LRIG2: variants seen among roughly 807,000 people sequenced by gnomAD.
LRIG2 encodes the protein leucine-rich repeats and immunoglobulin-like domains protein 2.
In LRIG2, 93 loss-of-function variants were observed where a neutral mutation model predicts 107.8. That is an observed-to-expected ratio of 0.86 (90% confidence interval 0.73 to 1.03). LRIG2 has a LOEUF of 1.03. Ranked by LOEUF, LRIG2 falls within the 50% of genes least tolerant of loss-of-function variation. The probability of loss-of-function intolerance (pLI) is 0.00; values close to 1 mark genes in which losing one functional copy is unlikely to be tolerated. For missense variants in LRIG2, 1,226 were observed against 1,296.0 expected (o/e 0.95, Z 0.83); for synonymous variants, 471 against 470.6 (o/e 1.00, Z -0.01).
chr1:113,076,686 A>G (rs1488902821), intron 1 of LRIG2, among the ~76,000 whole-genome samples: 1 of 152,230 alleles, frequency 6.6e-6, no homozygotes, highest in Non-Finnish European at 1.5e-5. Context: ...AATACATGTA[A>G]TGCTTTAAAT....
intron 3 of LRIG2, 66 bp downstream of exon 3, chr1:113,093,346 A>T (rs371148656): frequency 1.3e-6 from 2 of 1,556,082 alleles, no homozygotes; most frequent in East Asian, 2.2e-5. Context: ...TTTTTAAAGC[A>T]CATATATTGT....
chr1:113,098,871 A>G, intron 9 of LRIG2, 86 bp downstream of exon 9: 4 of 818,496 alleles, frequency 4.9e-6, no homozygotes, highest in Non-Finnish European at 8.1e-6. Context: ...TTTATTTCAT[A>G]TGGCTACAAA....
intron 6 of LRIG2, among the ~76,000 whole-genome samples, chr1:113,095,242 A>T (rs1313145292): frequency 6.6e-6 from 1 of 152,054 alleles, no homozygotes; most frequent in Non-Finnish European, 1.5e-5. Flanking sequence ...AAGTGCTGTG[A>T]TTACAGGCAT....
rs1655540257 is a variant in LRIG2 at position 113,127,722 on chromosome 1, G to T, written c.*3621G>T. ...TGGGATTACAGGCATGCACCACCAT[G>T]CCCGGCTAATTTTATTTGTATTTTT... On this transcript the variant is annotated 3_prime_UTR_variant, in exon 18 of 18. Coordinates refer to ENST00000361127, the MANE Select transcript of LRIG2 (RefSeq NM_014813.3). 1 of 150,820 alleles carries T rather than the reference G, an allele frequency of 6.6e-6. No individual in the cohort carries two copies. 9.3% of individuals were successfully genotyped at this position (150,820 alleles called of 1,614,324 possible). A position where few individuals can be genotyped will look rare whatever the true frequency, so the allele number is the denominator to read the frequency against.
At chr1:113,116,188 C>T in intron 15 of LRIG2, 99 bp from the exon 16 acceptor site, 2 of 973,652 alleles carry the variant, frequency 2.1e-6, no homozygotes, top group East Asian at 2.6e-5. Context: ...TACAGTTTTT[C>T]TTGCTAATAG....
intron 1 of LRIG2, among the ~76,000 whole-genome samples, chr1:113,080,419 G>C (rs922858372): frequency 2.7e-5 from 4 of 147,898 alleles, no homozygotes; most frequent in Non-Finnish European, 6.0e-5. Flanking sequence ...TCGCTCTGTT[G>C]CCCAGGCTGG....
At chr1:113,083,226 T>A (rs1653370641) in intron 1 of LRIG2, among the ~76,000 whole-genome samples, 2 of 150,566 alleles carry the variant, frequency 1.3e-5, no homozygotes, top group South Asian at 4.2e-4. Context: ...CACTTTTTTT[T>A]TTTTTTTTTT....
chr1:113,089,895 A>G (rs900390724), intron 1 of LRIG2, among the ~76,000 whole-genome samples: 19 of 151,168 alleles, frequency 1.3e-4, no homozygotes, highest in African/African-American at 2.7e-4. Flanking sequence ...GGATTTCACT[A>G]TGTTGGCCAG....
At chr1:113,100,601 G>GA in intron 11 of LRIG2, 113 bp downstream of exon 11, 2 of 609,594 alleles carry the variant, frequency 3.3e-6, no homozygotes, top group Non-Finnish European at 5.9e-6. Flanking sequence ...GTTCAGGCAG[G>GA]AAAAAAGAAA....
At chr1:113,073,771 C>T in intron 1 of LRIG2, 126 bp downstream of exon 1, 1 of 851,914 alleles carries the variant, frequency 1.2e-6, no homozygotes, top group Non-Finnish European at 1.8e-6. Context: ...AAGGAAACTG[C>T]CGTCAGGATT....
chr1:113,073,700 AG>A, intron 1 of LRIG2, 55 bp downstream of exon 1: 1 of 1,523,012 alleles, frequency 6.6e-7, no homozygotes, highest in South Asian at 1.2e-5. Context: ...TTCCCTCTAC[AG>A]GGGGCAGGCA....
chr1:113,099,005 A>G (rs1245234140), intron 9 of LRIG2, among the ~76,000 whole-genome samples: 5 of 152,058 alleles, frequency 3.3e-5, no homozygotes, highest in East Asian at 3.9e-4. Flanking sequence ...ATCTCGGCTC[A>G]CTACAACCTC....
chr1:113,086,560 T>G (rs1653563813), intron 1 of LRIG2, among the ~76,000 whole-genome samples: 1 of 152,240 alleles, frequency 6.6e-6, no homozygotes, highest in South Asian at 2.1e-4. Flanking sequence ...TATGTGTGAC[T>G]GTGCGAAGAA....
chr1:113,086,417 A>C (rs561732313), intron 1 of LRIG2, among the ~76,000 whole-genome samples: 14 of 152,356 alleles, frequency 9.2e-5, no homozygotes, highest in African/African-American at 3.1e-4. Flanking sequence ...TGTCATACCC[A>C]AAATATTAGA....
chr1:113,110,164 T>G, intron 12 of LRIG2, 78 bp from the exon 13 acceptor site: 1 of 1,019,780 alleles, frequency 9.8e-7, no homozygotes, highest in Non-Finnish European at 1.4e-6. Context: ...ACACACAATT[T>G]TATAGTATTT....
intron 17 of LRIG2, among the ~76,000 whole-genome samples, chr1:113,120,208 C>T (rs1187466522): frequency 4.6e-5 from 7 of 151,584 alleles, no homozygotes; most frequent in Non-Finnish European, 1.0e-4. Flanking sequence ...TTAGCACTTT[C>T]GGAGGCCAAA....
intron 1 of LRIG2, among the ~76,000 whole-genome samples, chr1:113,078,877 TG>T (rs1188327506): frequency 6.6e-6 from 1 of 152,056 alleles, no homozygotes; most frequent in East Asian, 1.9e-4. Flanking sequence ...CAACCTCAGG[TG>T]ATCTGCCCAC....
At position 113,115,346 on chromosome 1, in the gene LRIG2, C is replaced by T. The variant is rs111637614; in HGVS notation, c.2530+470C>T. ...TCTCCCATCTCGGCCTTCTGAGAAG[C>T]GGGGACTATAGGCATGTGCCACCGC... On this transcript the variant is annotated intron_variant, in intron 15 of 17. Coordinates refer to ENST00000361127, the MANE Select transcript of LRIG2 (RefSeq NM_014813.3). Among the ~76,000 whole-genome samples, 1,375 of 152,022 alleles carry T rather than the reference C, an allele frequency of 9.0e-3. 10 individuals carry two copies. Among genetic ancestry groups the T allele is most frequent in the Non-Finnish European group, 0.012 (793 of 67,984 alleles).
Position 113,114,701 on chromosome 1 carries a change from A to C in LRIG2, c.2355A>C (p.Ser785=), listed in dbSNP as rs113575014. 3 of 1,614,050 alleles carry C rather than the reference A, an allele frequency of 1.9e-6. No individual in the cohort carries two copies. The highest frequency in any genetic ancestry group is 1.3e-5 in the African/African-American group (1 of 74,902). Reference sequence around the variant, plus strand: ...GCCACATTTACCTAAATGTCATTTCATCCCCCAATTGTGACTCTTCCCAGA... The same window carrying C: ...GCCACATTTACCTAAATGTCATTTCCTCCCCCAATTGTGACTCTTCCCAGA... ...ERGHIYLNVI[S]SPNCDSSQSS... is the part of the protein sequence containing the mutation. The change falls in exon 15 of 18, where the codon TCA becomes TCC. Residue 785 remains serine (S), a synonymous_variant. Transcript: ENST00000361127.
Sources: allele counts gnomAD v4.1 joint callset (sites outside exome capture counted in the v4.1 genomes callset), GRCh38; gene constraint gnomAD v4.1.1; transcripts MANE v1.5; gene names NCBI Gene and HGNC (gene_info 2026-07-23, HGNC 2026-07-21).